SORCS3: variants seen among roughly 807,000 people sequenced by gnomAD.
SORCS3 encodes the protein VPS10 domain-containing receptor SorCS3.
Under a neutral mutation model 146.3 loss-of-function variants are expected in SORCS3, and 57 were observed. That is an observed-to-expected ratio of 0.39 (90% confidence interval 0.31 to 0.49). The LOEUF is 0.49. Among genes scored for constraint, SORCS3 ranks in the 20% least tolerant of loss-of-function variants. The probability of loss-of-function intolerance (pLI) is 0.92; values close to 1 mark genes in which losing one functional copy is unlikely to be tolerated. For missense variants in SORCS3, 1,341 were observed against 1,575.5 expected (o/e 0.85, Z 2.52); for synonymous variants, 653 against 618.5 (o/e 1.06, Z -0.83).
intron 2 of SORCS3, among the ~76,000 whole-genome samples, chr10:104,896,298 G>T (rs2018797072): frequency 6.6e-6 from 1 of 152,192 alleles, no homozygotes; most frequent in Non-Finnish European, 1.5e-5. Flanking sequence ...GAATGGGAAG[G>T]ATCCACAAGA....
At chr10:104,775,513 G>A (rs1202437570) in intron 1 of SORCS3, among the ~76,000 whole-genome samples, 1 of 152,160 alleles carries the variant, frequency 6.6e-6, no homozygotes, top group Non-Finnish European at 1.5e-5. Context: ...TGATGATTTG[G>A]TGCATAAGAG....
intron 2 of SORCS3, among the ~76,000 whole-genome samples, chr10:104,895,816 G>C (rs759951869): frequency 1.3e-5 from 2 of 152,190 alleles, no homozygotes; most frequent in Non-Finnish European, 2.9e-5. Context: ...ATTGAATTAA[G>C]CAGGCAATTT....
At chr10:105,242,452 ATATATATTTATATATTTATATATT>A (rs1170855568) in intron 20 of SORCS3, among the ~76,000 whole-genome samples, 1 of 78,058 alleles carries the variant, frequency 1.3e-5, no homozygotes, top group Admixed American at 1.9e-4. Flanking sequence ...ATATATATTT[ATATATATTTATATATTTATATATT>A]TATATATTTA....
intron 7 of SORCS3, among the ~76,000 whole-genome samples, chr10:105,120,388 T>G (rs1218754309): frequency 1.3e-5 from 2 of 152,178 alleles, no homozygotes; most frequent in Non-Finnish European, 2.9e-5. Flanking sequence ...ACTAATACAC[T>G]TTCTCTTTGA....
chr10:104,731,012 C>A (rs2016699967), intron 1 of SORCS3, among the ~76,000 whole-genome samples: 1 of 152,132 alleles, frequency 6.6e-6, no homozygotes, highest in African/African-American at 2.4e-5. Flanking sequence ...GGCCAGGGGG[C>A]CAAGGTTGAA....
intron 1 of SORCS3, among the ~76,000 whole-genome samples, chr10:104,699,654 G>T (rs1000912802): frequency 6.6e-6 from 1 of 152,134 alleles, no homozygotes; most frequent in African/African-American, 2.4e-5. Context: ...CTTTTTTGAA[G>T]AGCCGGGTCC....
chr10:104,660,095 T>G (rs1210234772), intron 1 of SORCS3, among the ~76,000 whole-genome samples: 1 of 152,116 alleles, frequency 6.6e-6, no homozygotes, highest in Admixed American at 6.6e-5. Flanking sequence ...TAAATTTCCT[T>G]TAAAGGAGCT....
intron 1 of SORCS3, among the ~76,000 whole-genome samples, chr10:104,646,322 G>T (rs2015495135): frequency 6.6e-6 from 1 of 152,200 alleles, no homozygotes; most frequent in Non-Finnish European, 1.5e-5. Flanking sequence ...AACTTGCTTT[G>T]TAGCTGGCAA....
intron 2 of SORCS3, among the ~76,000 whole-genome samples, chr10:104,911,688 C>T (rs1173097305): frequency 1.3e-5 from 2 of 152,082 alleles, no homozygotes; most frequent in Non-Finnish European, 2.9e-5. Context: ...TGTAAGTAAA[C>T]CTCTTGTGTT....
intron 3 of SORCS3, among the ~76,000 whole-genome samples, chr10:104,952,197 G>A (rs1018387154): frequency 6.1e-5 from 8 of 131,956 alleles, no homozygotes; most frequent in South Asian, 2.6e-4. Flanking sequence ...ACTCTTTGTC[G>A]GACCCAAATC....
intron 1 of SORCS3, among the ~76,000 whole-genome samples, chr10:104,841,518 C>G (rs1186799877): frequency 6.6e-6 from 1 of 152,076 alleles, no homozygotes; most frequent in Non-Finnish European, 1.5e-5. Flanking sequence ...GATCATATCC[C>G]TTGCCTTTAA....
intron 1 of SORCS3, among the ~76,000 whole-genome samples, chr10:104,786,767 G>C (rs928261281): frequency 1.3e-5 from 2 of 152,060 alleles, no homozygotes; most frequent in Non-Finnish European, 2.9e-5. Flanking sequence ...CCACCTCCTG[G>C]AATTGAAGAA....
At chr10:104,839,407 A>G (rs2018111696) in intron 1 of SORCS3, among the ~76,000 whole-genome samples, 1 of 152,194 alleles carries the variant, frequency 6.6e-6, no homozygotes, top group Non-Finnish European at 1.5e-5. Context: ...TAATGAAAGG[A>G]TGGGGCACAG....
At chr10:104,651,531 ACT>A (rs1491554742) in intron 1 of SORCS3, among the ~76,000 whole-genome samples, 94 of 75,140 alleles carry the variant, frequency 1.3e-3, no homozygotes, top group African/African-American at 3.8e-3. Flanking sequence ...TCCGGGCTCT[ACT>A]AAAAAAAAAA....
At chr10:104,731,827 G>A (rs990812871) in intron 1 of SORCS3, among the ~76,000 whole-genome samples, 7 of 152,176 alleles carry the variant, frequency 4.6e-5, no homozygotes, top group African/African-American at 1.2e-4. Flanking sequence ...AATGAAGGGA[G>A]GAACATCAAT....
chr10:104,927,872 C>T (rs1314286055), intron 3 of SORCS3, among the ~76,000 whole-genome samples: 3 of 136,276 alleles, frequency 2.2e-5, no homozygotes, highest in East Asian at 2.0e-4. Flanking sequence ...AGCAAGACTC[C>T]GTCTGAAAAA....
chr10:104,720,758 G>T (rs1371742113), intron 1 of SORCS3, among the ~76,000 whole-genome samples: 2 of 152,172 alleles, frequency 1.3e-5, no homozygotes, highest in Non-Finnish European at 2.9e-5. Context: ...GTGTCTGTTG[G>T]CTGCATAAAT....
intron 1 of SORCS3, among the ~76,000 whole-genome samples, chr10:104,673,429 T>A (rs908059818): frequency 1.3e-5 from 2 of 151,674 alleles, no homozygotes; most frequent in South Asian, 2.1e-4. Context: ...CGTGTGTGTG[T>A]GTGTGTGTGT....
intron 1 of SORCS3, among the ~76,000 whole-genome samples, chr10:104,749,204 C>T (rs2016951821): frequency 6.7e-6 from 1 of 148,748 alleles, no homozygotes; most frequent in East Asian, 2.0e-4. Flanking sequence ...TGACCATGTA[C>T]CTTGTTCTGT....
Sources: gnomAD v4.1 joint callset for allele counts (sites outside exome capture counted in the v4.1 genomes callset) on GRCh38, gnomAD v4.1.1 for gene constraint, MANE v1.5 for transcripts, NCBI Gene and HGNC (gene_info 2026-07-23, HGNC 2026-07-21) for gene names.